Variants in NNT observed in about 807,000 individuals in gnomAD.
The protein encoded by NNT is nicotinamide nucleotide transhydrogenase.
Under a neutral mutation model 104.8 loss-of-function variants are expected in NNT, and 50 were observed. That is an observed-to-expected ratio of 0.48 (90% CI 0.38 to 0.60). The LOEUF (loss-of-function observed/expected upper bound fraction) is 0.60. NNT is among the 20% of genes least tolerant of loss of function. The probability of loss-of-function intolerance (pLI) is 0.00; values close to 1 mark genes in which losing one functional copy is unlikely to be tolerated. For missense variants in NNT, 1,131 were observed against 1,330.7 expected (o/e 0.85, Z 2.33); for synonymous variants, 461 against 490.4 (o/e 0.94, Z 0.79).
Position 43,644,666 on chromosome 5 carries a change from G to T in NNT, c.1154G>T (p.Ser385Ile), listed in dbSNP as rs1751406298. Reference sequence around the variant, plus strand: ...CCCAGCCGAATGGCCACTCAGGCCAGCACCCTATATTCCAACAACATCACC... The same window carrying T: ...CCCAGCCGAATGGCCACTCAGGCCATCACCCTATATTCCAACAACATCACC... ...DLPSRMATQA[S>I]TLYSNNITKL... Residue 385 changes from serine to isoleucine, a missense_variant, in exon 9 of 22, where the codon AGC becomes ATC. Coordinates refer to ENST00000344920, the MANE Select transcript of NNT (RefSeq NM_182977.3). The T allele has an allele frequency of 6.2e-7, 1 of 1,614,170 alleles. No individual in the cohort carries two copies. Among genetic ancestry groups the T allele is most frequent in the Non-Finnish European group, 8.5e-7 (1 of 1,180,012 alleles).
At chr5:43,620,374 C>T (rs1467035793) in intron 5 of NNT, among the ~76,000 whole-genome samples, 2 of 152,094 alleles carry the variant, frequency 1.3e-5, no homozygotes, top group Non-Finnish European at 2.9e-5. Flanking sequence ...CGCCGGCCAC[C>T]ATGCCCGGTT....
Position 43,644,754 on chromosome 5 carries a change from T to A in NNT, c.1242T>A (p.Phe414Leu), listed in dbSNP as rs753521684. ...TTTATTTTGATGTGAAAGATGACTT[T>A]GACTTTGGTACGATGGGTCATGTCA... ...DNFYFDVKDD[F>L]DFGTMGHVIR... is the part of the protein sequence containing the mutation. The change falls in exon 9 of 22, where the codon TTT (phenylalanine) becomes TTA (leucine). Residue 414 changes from phenylalanine (F) to leucine (L), a missense_variant. Coordinates refer to ENST00000344920, the MANE Select transcript of NNT (RefSeq NM_182977.3). 1.9e-6 allele frequency: 3 copies of A among 1,614,232 alleles called. No individual in the cohort carries two copies. Among genetic ancestry groups the A allele is most frequent in the Non-Finnish European group, 2.5e-6 (3 of 1,180,032 alleles).
At position 43,609,356 on chromosome 5, in the gene NNT, C is replaced by A; in HGVS notation, c.151+10C>A. ...GCGCCTGTAAAACCAGGTAAAGTCT[C>A]ACTTCAGTGATTGTAAATGAAACCT... On this transcript the variant is annotated intron_variant, in intron 2 of 21. Transcript: ENST00000344920. 6.2e-7 allele frequency: 1 copy of A among 1,612,678 alleles called. No individual in the cohort carries two copies. The highest frequency in any genetic ancestry group is 1.1e-5 in the South Asian group (1 of 90,816).
At chr5:43,690,872 C>A (rs1023250705) in intron 19 of NNT, among the ~76,000 whole-genome samples, 1 of 152,112 alleles carries the variant, frequency 6.6e-6, no homozygotes, top group African/African-American at 2.4e-5. Flanking sequence ...ACTGAAATTT[C>A]CTAGATAAGG....
At chr5:43,629,384 C>G (rs555129589) in intron 7 of NNT, among the ~76,000 whole-genome samples, 2 of 152,086 alleles carry the variant, frequency 1.3e-5, no homozygotes, top group Non-Finnish European at 2.9e-5. Context: ...TTGGTTGATG[C>G]GCATTTAGGC....
Position 43,671,957 on chromosome 5 carries a change from A to G in NNT, c.2635-3554A>G, listed in dbSNP as rs151316789. Among the ~76,000 whole-genome samples, 547 of 152,260 alleles carry G rather than the reference A, an allele frequency of 3.6e-3. 2 individuals are homozygous for G. Among genetic ancestry groups the G allele is most frequent in the African/African-American group, 0.013 (535 of 41,566 alleles). ...AGATTTGGTCTTTTCACATAGTCCC[A>G]TATTTCTTGGAGGCTTTCTTCATTT... On this transcript the variant is annotated intron_variant, in intron 17 of 21. Transcript: ENST00000344920.
At chr5:43,671,317 C>A (rs1741069769) in intron 17 of NNT, among the ~76,000 whole-genome samples, 1 of 152,108 alleles carries the variant, frequency 6.6e-6, no homozygotes, top group Non-Finnish European at 1.5e-5. Flanking sequence ...TGAATTTGAT[C>A]CTGTTATTAT....
At chr5:43,638,288 T>A (rs1440138196) in intron 7 of NNT, among the ~76,000 whole-genome samples, 1 of 152,122 alleles carries the variant, frequency 6.6e-6, no homozygotes, top group South Asian at 2.1e-4. Context: ...CAGCGTGAGA[T>A]CAGACTAATA....
At chr5:43,656,544 A>G in intron 15 of NNT, 109 bp from the exon 16 acceptor site, 3 of 1,020,914 alleles carry the variant, frequency 2.9e-6, no homozygotes, top group Non-Finnish European at 4.3e-6. Context: ...ACTAAACAGC[A>G]TCCTCATAAT....
At position 43,620,324 on chromosome 5, in the gene NNT, A is replaced by G. The variant is rs531429413; in HGVS notation, c.687+1205A>G. ...AAGCTCCACCTCCCGGGTTCATGCC[A>G]TTCTCCTGCCTCAGCCTCCTGAGTA... is the stretch of plus-strand genomic sequence containing the variant. On this transcript the variant is annotated intron_variant, in intron 5 of 21. Transcript: ENST00000344920. Among the ~76,000 whole-genome samples, 3 of 152,066 alleles carry G rather than the reference A, an allele frequency of 2.0e-5. No homozygotes were observed. The South Asian group carries it at 6.2e-4, about 32-fold the overall frequency.
Position 43,619,154 on chromosome 5 carries a change from C to G in NNT, c.687+35C>G, listed in dbSNP as rs200501451. ...ACTTTTAATGTTTCTTTATAATATG[C>G]ATTGATTAAAGGAAAGGGTATGTAT... On this transcript the variant is annotated intron_variant, in intron 5 of 21. Transcript: ENST00000344920. 9 of 1,280,648 alleles carry G rather than the reference C, an allele frequency of 7.0e-6. No individual in the cohort carries two copies. The East Asian group carries it at 2.0e-4, about 28-fold the overall frequency. The allele number at this position is 1,280,648 out of a possible 1,614,324, so 79.3% of individuals were successfully genotyped here.
chr5:43,648,125 C>T (rs1561288409), intron 10 of NNT: 10 of 1,185,828 alleles, frequency 8.4e-6, no homozygotes, highest in Non-Finnish European at 1.1e-5. Flanking sequence ...TTGTATCTAA[C>T]TCTCTCACCA....
intron 17 of NNT, among the ~76,000 whole-genome samples, chr5:43,669,045 G>A (rs1353770496): frequency 6.6e-6 from 1 of 152,108 alleles, no homozygotes; most frequent in Non-Finnish European, 1.5e-5. Context: ...TGAAGCAATT[G>A]TGAATGGGAG....
At position 43,647,864 on chromosome 5, in the gene NNT, T is replaced by A. The variant is rs921157105; in HGVS notation, c.1445-1283T>A. 2.0e-4 allele frequency: 90 copies of A among 455,662 alleles called. No individual in the cohort carries two copies. The Admixed American group carries it at 2.0e-3, about 10-fold the overall frequency. 28.2% of individuals were successfully genotyped at this position (455,662 alleles called of 1,614,324 possible). A position where few individuals can be genotyped will look rare whatever the true frequency, so the allele number is the denominator to read the frequency against. On this transcript the variant is annotated intron_variant, in intron 10 of 21. Coordinates refer to ENST00000344920, the MANE Select transcript of NNT (RefSeq NM_182977.3). Reference sequence around the variant, plus strand: ...CATTGTGCTAAATACTTCACATGTCTTAGCTCATTTATTTTTTACAAGAAT... The same window carrying A: ...CATTGTGCTAAATACTTCACATGTCATAGCTCATTTATTTTTTACAAGAAT...
chr5:43,623,948 A>T (rs1750228448), intron 5 of NNT, 84 bp from the exon 6 acceptor site: 1 of 1,250,564 alleles, frequency 8.0e-7, no homozygotes, highest in South Asian at 1.2e-5. Context: ...CTAAACTTAT[A>T]CTAGGCACCA....
intron 3 of NNT, 56 bp downstream of exon 3, chr5:43,613,193 T>C: frequency 1.5e-6 from 2 of 1,373,056 alleles, no homozygotes; most frequent in Admixed American, 4.3e-5. Flanking sequence ...TGAAATCTTT[T>C]CATAGAAAAA....
intron 11 of NNT, among the ~76,000 whole-genome samples, chr5:43,649,626 C>A (rs2111878339): frequency 6.6e-6 from 1 of 151,282 alleles, no homozygotes; most frequent in Middle Eastern, 3.4e-3. Context: ...AATTTGAAAA[C>A]CAGTGTTCCA....
chr5:43,653,043 G>T lies in NNT; in HGVS notation c.1889G>T (p.Cys630Phe). ...EQIMYLGSGL[C>F]CVGALAGLST... Reference sequence around the variant, plus strand: ...ATCATGTACCTAGGCTCGGGTTTGTGCTGTGTCGGTGCCTTGGCTGGCCTC... The same window carrying T: ...ATCATGTACCTAGGCTCGGGTTTGTTCTGTGTCGGTGCCTTGGCTGGCCTC... The change falls in exon 14 of 22, where the codon TGC becomes TTC. Residue 630 changes from cysteine to phenylalanine, a missense_variant. Transcript: ENST00000344920. The T allele has an allele frequency of 6.2e-6, 10 of 1,613,870 alleles. No individual in the cohort carries two copies. Among genetic ancestry groups the T allele is most frequent in the Non-Finnish European group, 6.8e-6 (8 of 1,179,876 alleles).
intron 17 of NNT, chr5:43,666,993 C>T (rs1740737304): frequency 3.1e-6 from 5 of 1,595,940 alleles, no homozygotes; most frequent in Admixed American, 3.3e-5. Flanking sequence ...TGGGCTTAAC[C>T]TCCTTGGGCT....
Sources: gnomAD v4.1 joint callset for allele counts (sites outside exome capture counted in the v4.1 genomes callset) on GRCh38, gnomAD v4.1.1 for gene constraint, MANE v1.5 for transcripts, NCBI Gene and HGNC (gene_info 2026-07-23, HGNC 2026-07-21) for gene names.